FOXK2: variants seen among roughly 807,000 people sequenced by gnomAD.
FOXK2 encodes the protein forkhead box K2, also known as forkhead box protein K2.
Under a neutral mutation model 53.3 loss-of-function variants are expected in FOXK2, and 24 were observed. The ratio of observed to expected loss-of-function variants is 0.45; its 90% CI spans 0.33 to 0.63. The LOEUF (loss-of-function observed/expected upper bound fraction) is 0.63. Ranked by LOEUF, FOXK2 falls within the 30% of genes least tolerant of loss-of-function variation. FOXK2 has a pLI of 0.03. For synonymous variants in FOXK2, 505 were observed against 407.1 expected (o/e 1.24, Z -2.89); for missense variants, 952 against 910.5 (o/e 1.05, Z -0.59).
intron 7 of FOXK2, among the ~76,000 whole-genome samples, 159 bp from the exon 8 acceptor site, chr17:82,586,904 A>G (rs368396312): frequency 1.3e-5 from 2 of 152,122 alleles, no homozygotes; most frequent in East Asian, 3.8e-4. Context: ...CATCTCAAAA[A>G]ACAAAAAAAA....
chr17:82,535,562 C>T (rs1304822528), intron 1 of FOXK2, among the ~76,000 whole-genome samples: 1 of 152,114 alleles, frequency 6.6e-6, no homozygotes, highest in Non-Finnish European at 1.5e-5. Flanking sequence ...CTTCAAGTTT[C>T]CTGATTCTTC....
In FOXK2 at chr17:82,526,634, T is replaced by TCA. The variant is rs1474243279; in HGVS notation, c.419+6328_419+6329insAC. ...TCATGAGGTCAGGAGATTGAGACCA[T>TCA]CCTGGTTAACACGGTGAAACCTCAT... On this transcript the variant is annotated intron_variant, in intron 1 of 8. Coordinates refer to ENST00000335255, the MANE Select transcript of FOXK2 (RefSeq NM_004514.4). 1.2e-4 allele frequency among the ~76,000 whole-genome samples: 18 copies of TCA among 151,870 alleles called. No individual in the cohort carries two copies. In the East Asian group the frequency reaches 3.1e-3, roughly 26 times the overall value.
chr17:82,555,760 C>T (rs1599895720), intron 1 of FOXK2, among the ~76,000 whole-genome samples: 1 of 149,946 alleles, frequency 6.7e-6, no homozygotes. Context: ...TGGGGGCGGG[C>T]GCCTGTAGTC....
At chr17:82,566,382 G>A (rs546749432) in intron 2 of FOXK2, among the ~76,000 whole-genome samples, 1 of 152,070 alleles carries the variant, frequency 6.6e-6, no homozygotes, top group South Asian at 2.1e-4. Flanking sequence ...GGGCCTTCTC[G>A]TTGCTGCCCT....
At position 82,563,508 on chromosome 17, in the gene FOXK2, C is replaced by T; in HGVS notation, c.574C>T (p.His192Tyr). ...CATCAACATTCCAGACACCATGGCCCACCTCATCAGCCCTCTGCCCTCCCC... is the reference window on the plus strand; with the variant it reads ...CATCAACATTCCAGACACCATGGCCTACCTCATCAGCCCTCTGCCCTCCCC... ...LTINIPDTMA[H>Y]LISPLPSPTG... Residue 192 changes from histidine to tyrosine, a missense_variant, in exon 2 of 9, where the codon CAC becomes TAC. This residue lies in a region of FOXK2 where 76 missense variants were observed against 128.2 expected (regional missense o/e 0.59). Coordinates refer to ENST00000335255, the MANE Select transcript of FOXK2 (RefSeq NM_004514.4). The T allele has an allele frequency of 6.2e-7, 1 of 1,614,094 alleles. No homozygotes were observed. The highest frequency in any genetic ancestry group is 8.5e-7 in the Non-Finnish European group (1 of 1,180,004).
At chr17:82,533,859 T>C (rs1288515321) in intron 1 of FOXK2, among the ~76,000 whole-genome samples, 1 of 149,676 alleles carries the variant, frequency 6.7e-6, no homozygotes, top group Non-Finnish European at 1.5e-5. Context: ...GTTAGCTGGG[T>C]GTGGTGGTGC....
chr17:82,586,957 A>G (rs958841472), intron 7 of FOXK2, 106 bp from the exon 8 acceptor site: 11 of 1,029,192 alleles, frequency 1.1e-5, no homozygotes, highest in Non-Finnish European at 1.6e-5. Flanking sequence ...TTTTAGAGAC[A>G]TTTTCTAGCA....
At chr17:82,534,229 G>A (rs2044499477) in intron 1 of FOXK2, among the ~76,000 whole-genome samples, 1 of 152,048 alleles carries the variant, frequency 6.6e-6, no homozygotes, top group South Asian at 2.1e-4. Flanking sequence ...CTGGGCAGCA[G>A]AGCAAAACCT....
At chr17:82,568,265 G>GTCACCTGCCTGTCAC in intron 3 of FOXK2, 64 bp downstream of exon 3, 2 of 1,575,314 alleles carry the variant, frequency 1.3e-6, no homozygotes. Flanking sequence ...GGCCCTCAAT[G>GTCACCTGCCTGTCAC]TCACCTGCCT....
chr17:82,564,969 A>T lies in FOXK2; in HGVS notation c.614+1421A>T, dbSNP rs549273693. On this transcript the variant is annotated intron_variant, in intron 2 of 8. Transcript: ENST00000335255. ...GGTCTTGAAATCCTGACCTCAGGTG[A>T]TCCGCCTGCCTCGGCCTCCCAAAGT... 5.9e-5 allele frequency among the ~76,000 whole-genome samples: 9 copies of T among 151,922 alleles called. No homozygotes were observed. In the East Asian group the frequency reaches 1.7e-3, roughly 29 times the overall value.
intron 2 of FOXK2, among the ~76,000 whole-genome samples, chr17:82,563,910 C>T (rs1201294657): frequency 6.7e-6 from 1 of 150,286 alleles, no homozygotes; most frequent in Non-Finnish European, 1.5e-5. Flanking sequence ...CACCACCACG[C>T]CCACCTAATT....
At chr17:82,567,088 G>A (rs556233549) in intron 2 of FOXK2, among the ~76,000 whole-genome samples, 6 of 152,198 alleles carry the variant, frequency 3.9e-5, no homozygotes, top group African/African-American at 1.4e-4. Flanking sequence ...AAGGCCACTC[G>A]TGTGTTGCCC....
Position 82,568,152 on chromosome 17 carries a change from A to G in FOXK2, c.713A>G (p.Asn238Ser), listed in dbSNP as rs759639248. 6.8e-6 allele frequency: 11 copies of G among 1,613,480 alleles called. No individual in the cohort carries two copies. Among genetic ancestry groups the G allele is most frequent in the South Asian group, 5.5e-5 (5 of 91,054 alleles). The stretch of plus-strand genomic sequence containing the variant: ...TCTGACCTCAATTTAATGGCTGACA[A>G]CTCACAGCCTGAAAATGAAAAGGAA... The part of the protein sequence containing the change: ...MPSDLNLMAD[N>S]SQPENEKEAS... Residue 238 changes from asparagine to serine, a missense_variant, in exon 3 of 9, where the codon AAC (asparagine) becomes AGC (serine). Transcript: ENST00000335255.
intron 8 of FOXK2, among the ~76,000 whole-genome samples, chr17:82,595,039 A>T (rs1476102819): frequency 6.6e-6 from 1 of 152,222 alleles, no homozygotes; most frequent in Non-Finnish European, 1.5e-5. Flanking sequence ...GACCCTCTCC[A>T]CATAGTAAGT....
intron 8 of FOXK2, among the ~76,000 whole-genome samples, chr17:82,588,600 C>T (rs901603065): frequency 2.0e-5 from 3 of 152,128 alleles, no homozygotes; most frequent in Admixed American, 6.6e-5. Flanking sequence ...GAAGGCTTGG[C>T]TGTTAGAGGC....
rs572878404 is a variant in FOXK2, at chr17:82,520,200, G to A, written c.312G>A (p.Arg104=). ...AAPELPPAQP[R]PDAGGDFYLR... is the part of the protein sequence containing the mutation. ...CGGAGCTGCCGCCCGCGCAGCCCAG[G>A]CCCGACGCCGGCGGCGACTTCTACC... The change falls in exon 1 of 9, where the codon AGG becomes AGA. Residue 104 remains arginine (R), a synonymous_variant. Transcript: ENST00000335255. 1.5e-6 allele frequency: 2 copies of A among 1,337,020 alleles called. No individual in the cohort carries two copies. Among genetic ancestry groups the A allele is most frequent in the South Asian group, 4.4e-5 (2 of 45,948 alleles). 82.8% of individuals were successfully genotyped at this position (1,337,020 alleles called of 1,614,324 possible).
intron 1 of FOXK2, among the ~76,000 whole-genome samples, chr17:82,555,388 G>A (rs550520657): frequency 3.2e-4 from 48 of 152,144 alleles, no homozygotes; most frequent in Non-Finnish European, 6.0e-4. Flanking sequence ...GCTCTTTTTA[G>A]TGTCATGAGG....
chr17:82,579,112 C>T (rs540889474), intron 4 of FOXK2, among the ~76,000 whole-genome samples: 3 of 152,300 alleles, frequency 2.0e-5, no homozygotes, highest in South Asian at 2.1e-4. Context: ...GAGGGGAAGT[C>T]GTCCTTCTCA....
intron 8 of FOXK2, among the ~76,000 whole-genome samples, chr17:82,588,034 C>T (rs569707348): frequency 3.3e-4 from 51 of 152,270 alleles, no homozygotes; most frequent in African/African-American, 1.2e-3. Context: ...GGCTTTATCA[C>T]GACGTTTGAA....
Sources: allele counts gnomAD v4.1 joint callset (sites outside exome capture counted in the v4.1 genomes callset), GRCh38; gene constraint gnomAD v4.1.1; regional missense constraint gnomAD v4.1.1; transcripts MANE v1.5; gene names NCBI Gene and HGNC (gene_info 2026-07-23, HGNC 2026-07-21).